The following PLEKHO2 variants were observed in gnomAD, a reference collection of about 807,000 sequenced individuals.
The protein encoded by PLEKHO2 is pleckstrin homology domain-containing family O member 2.
PLEKHO2 carries 20 observed loss-of-function variants against 32.7 expected under a neutral mutation model. The ratio of observed to expected loss-of-function variants is 0.61; its 90% confidence interval spans 0.43 to 0.89. The LOEUF (loss-of-function observed/expected upper bound fraction) is 0.89, where lower values mean the gene tolerates loss of function less well. PLEKHO2 is among the 40% of genes least tolerant of loss of function. The pLI is 0.00. For synonymous variants in PLEKHO2, 247 were observed against 246.3 expected (o/e 1.00, Z -0.03); for missense variants, 568 against 621.2 (o/e 0.91, Z 0.91).
At position 64,865,573 on chromosome 15, in the gene PLEKHO2, C is replaced by CCGCT; in HGVS notation, c.1159_1162dup (p.Cys388SerfsTer48). On this transcript the variant is annotated frameshift_variant, in exon 6 of 6. Coordinates refer to ENST00000323544, the MANE Select transcript of PLEKHO2 (RefSeq NM_025201.5). LOFTEE classifies it high-confidence loss of function. ...GGGACCTGCCACCTCAGTTCCATCC[C>CCGCT]CGCTGCTCCTCCCTTGGGGACTTGC... 1 of 1,614,220 alleles carries CCGCT rather than the reference C, an allele frequency of 6.2e-7. No homozygotes were observed. The highest frequency in any genetic ancestry group is 8.5e-7 in the Non-Finnish European group (1 of 1,180,026).
chr15:64,850,762 G>T (rs1475241806), intron 2 of PLEKHO2, among the ~76,000 whole-genome samples: 1 of 152,220 alleles, frequency 6.6e-6, no homozygotes, highest in Non-Finnish European at 1.5e-5. Context: ...CTAAGCTTGC[G>T]TGTTAACTAA....
Position 64,848,742 on chromosome 15 carries a change from G to C in PLEKHO2, c.162G>C (p.Glu54Asp). 1 of 1,614,024 alleles carries C rather than the reference G, an allele frequency of 6.2e-7. No homozygotes were observed. The highest frequency in any genetic ancestry group is 8.5e-7 in the Non-Finnish European group (1 of 1,179,992). The change falls in exon 2 of 6, where the codon GAG (glutamate) becomes GAC (aspartate). Residue 54 changes from glutamate to aspartate, a missense_variant and splice_region_variant. By Grantham distance (45) the Glu-to-Asp change is conservative. Transcript: ENST00000323544. Reference protein sequence around the residue: ...CQAQLLVYENEDDQKCVETVE... With the variant: ...CQAQLLVYENDDDQKCVETVE... The stretch of plus-strand genomic sequence containing the variant: ...CCCAGCTGCTGGTCTATGAGAATGA[G>C]GTGAGGACCTGCTTGGCCCTGAGAT...
chr15:64,843,044 T>C (rs893067355), intron 1 of PLEKHO2, among the ~76,000 whole-genome samples: 10 of 152,188 alleles, frequency 6.6e-5, no homozygotes, highest in Non-Finnish European at 1.0e-4. Flanking sequence ...TGAAGTTCTC[T>C]GCCTTGGGGG....
chr15:64,842,388 CTCTGTGTG>C (rs1393428559), intron 1 of PLEKHO2, among the ~76,000 whole-genome samples: 5 of 141,886 alleles, frequency 3.5e-5, no homozygotes, highest in African/African-American at 5.5e-5. Context: ...CTCTCTCTCT[CTCTGTGTG>C]TGTGTGTGTG....
At chr15:64,849,036 C>T (rs1014691375) in intron 2 of PLEKHO2, among the ~76,000 whole-genome samples, 5 of 149,216 alleles carry the variant, frequency 3.4e-5, no homozygotes, top group Admixed American at 6.7e-5. Context: ...AGTGCAGTGG[C>T]GAGATCTCGG....
In PLEKHO2 at chr15:64,848,549, C is replaced by T. The variant is rs372629356; in HGVS notation, c.13-44C>T. The T allele has an allele frequency of 3.8e-5, 61 of 1,611,720 alleles. No homozygotes were observed. The Middle Eastern group carries it at 4.9e-4, about 13-fold the overall frequency. On this transcript the variant is annotated intron_variant, in intron 1 of 5. Transcript: ENST00000323544. ...ACCTATGAACCTGTGACCTGTGACC[C>T]CATGGTAGCAACCCTCATGGTATGA...
At chr15:64,844,250 T>A (rs959230280) in intron 1 of PLEKHO2, among the ~76,000 whole-genome samples, 1 of 152,212 alleles carries the variant, frequency 6.6e-6, no homozygotes, top group African/African-American at 2.4e-5. Context: ...TCAGCCTCAG[T>A]GACCTCCTCT....
rs1327180071 is a variant in PLEKHO2, at chr15:64,854,801, T to TCTATCAGTTAG, written c.163-119_163-118insTATCAGTTAGC. On this transcript the variant is annotated intron_variant, in intron 2 of 5. Transcript: ENST00000323544. ...TTGGTGACTGATTGGCAGCCTGAGGTCCTCCCTCTAACCAAGTGATGTCCT... is the reference window on the plus strand; with the variant it reads ...TTGGTGACTGATTGGCAGCCTGAGGTCTATCAGTTAGCCTCCCTCTAACCAAGTGATGTCCT... 3 of 730,170 alleles carry TCTATCAGTTAG rather than the reference T, an allele frequency of 4.1e-6. No homozygotes were observed. In the East Asian group the frequency reaches 7.8e-5, roughly 19 times the overall value. 45.2% of individuals were successfully genotyped at this position (730,170 alleles called of 1,614,324 possible).
chr15:64,861,381 G>A (rs950819685), intron 4 of PLEKHO2, 96 bp from the exon 5 acceptor site: 26 of 834,166 alleles, frequency 3.1e-5, no homozygotes, highest in Non-Finnish European at 4.6e-5. Flanking sequence ...GGGCAGCGGT[G>A]GGGCACTGAC....
chr15:64,847,023 A>G (rs1249551464), intron 1 of PLEKHO2, among the ~76,000 whole-genome samples: 1 of 152,234 alleles, frequency 6.6e-6, no homozygotes, highest in African/African-American at 2.4e-5. Context: ...TTCTGCTGTT[A>G]GTAGCTGCAT....
chr15:64,864,852 A>T, intron 5 of PLEKHO2, 47 bp from the exon 6 acceptor site: 2 of 1,533,570 alleles, frequency 1.3e-6, no homozygotes, highest in Non-Finnish European at 1.8e-6. Context: ...ACCTGACCCA[A>T]TGGCTAGTCA....
chr15:64,844,649 T>C (rs1043667314), intron 1 of PLEKHO2, among the ~76,000 whole-genome samples: 1 of 152,146 alleles, frequency 6.6e-6, no homozygotes, highest in Non-Finnish European at 1.5e-5. Context: ...TCTCTTGCCC[T>C]TTCTGGGCTG....
In PLEKHO2 at chr15:64,865,469, C is replaced by T. The variant is rs777664663; in HGVS notation, c.1054C>T (p.Pro352Ser). The change falls in exon 6 of 6, where the codon CCT becomes TCT. Residue 352 changes from proline (P) to serine (S), a missense_variant. Coordinates refer to ENST00000323544, the MANE Select transcript of PLEKHO2 (RefSeq NM_025201.5). ...SVNGMDDSPE[P>S]AKPSQAEGTP... Reference sequence around the variant, plus strand: ...GAATGGCATGGATGACAGTCCTGAGCCTGCCAAGCCCTCTCAGGCTGAGGG... The same window carrying T: ...GAATGGCATGGATGACAGTCCTGAGTCTGCCAAGCCCTCTCAGGCTGAGGG... 1.2e-6 allele frequency: 2 copies of T among 1,614,006 alleles called. No homozygotes were observed. Among genetic ancestry groups the T allele is most frequent in the Admixed American group, 3.3e-5 (2 of 60,024 alleles).
At position 64,866,464 on chromosome 15, in the gene PLEKHO2, G is replaced by T; in HGVS notation, c.*576G>T. 2.2e-6 allele frequency: 1 copy of T among 450,198 alleles called. No individual in the cohort carries two copies. 27.9% of individuals were successfully genotyped at this position (450,198 alleles called of 1,614,324 possible). A position where few individuals can be genotyped will look rare whatever the true frequency, so the allele number is the denominator to read the frequency against. On this transcript the variant is annotated 3_prime_UTR_variant, in exon 6 of 6. Coordinates refer to ENST00000323544, the MANE Select transcript of PLEKHO2 (RefSeq NM_025201.5). The stretch of plus-strand genomic sequence containing the variant: ...ACGTAGGACCCAGCTGGAGCCTCTT[G>T]AGGGAGATGAGAGGCCTCTTTGTGA...
At chr15:64,848,520 T>G (rs959982458) in intron 1 of PLEKHO2, 73 bp from the exon 2 acceptor site, 29 of 1,572,512 alleles carry the variant, frequency 1.8e-5, no homozygotes, top group Non-Finnish European at 2.4e-5. Flanking sequence ...ACATCCCTTG[T>G]GTGACCTATG....
chr15:64,843,278 G>A (rs1392428384), intron 1 of PLEKHO2, among the ~76,000 whole-genome samples: 1 of 152,178 alleles, frequency 6.6e-6, no homozygotes, highest in Non-Finnish European at 1.5e-5. Context: ...CATACTCCTG[G>A]CCTGACAGTG....
intron 4 of PLEKHO2, among the ~76,000 whole-genome samples, chr15:64,860,810 G>A (rs1045896430): frequency 6.6e-6 from 1 of 152,212 alleles, no homozygotes; most frequent in Non-Finnish European, 1.5e-5. Context: ...ATTGGGGGAG[G>A]CCATAGGAGC....
Position 64,859,972 on chromosome 15 carries a change from C to G in PLEKHO2, c.358C>G (p.Arg120Gly). The change falls in exon 4 of 6, where the codon CGA becomes GGA. Residue 120 changes from arginine to glycine, a missense_variant. Physicochemically the swap from Arg to Gly is moderately radical, Grantham distance 125 (BLOSUM62 -2). Coordinates refer to ENST00000323544, the MANE Select transcript of PLEKHO2 (RefSeq NM_025201.5). The part of the protein sequence containing the change: ...WIKALNEGIN[R>G]GKNKAFDEVK... ...CAAAGCCCTCAATGAAGGGATTAAC[C>G]GAGGCAAAAACAAGGCTTTCGATGA... 1 of 1,614,104 alleles carries G rather than the reference C, an allele frequency of 6.2e-7. No homozygotes were observed. Among genetic ancestry groups the G allele is most frequent in the Non-Finnish European group, 8.5e-7 (1 of 1,180,002 alleles).
chr15:64,846,137 G>T (rs1294074643), intron 1 of PLEKHO2, among the ~76,000 whole-genome samples: 2 of 152,130 alleles, frequency 1.3e-5, no homozygotes, highest in Non-Finnish European at 2.9e-5. Flanking sequence ...AGGGCTCGCT[G>T]AAGTAGTGTT....
Sources: gnomAD v4.1 joint callset for allele counts (sites outside exome capture counted in the v4.1 genomes callset) on GRCh38, gnomAD v4.1.1 for gene constraint, MANE v1.5 for transcripts, NCBI Gene and HGNC (gene_info 2026-07-23, HGNC 2026-07-21) for gene names.